Variants in SIGLEC1 observed in about 807,000 individuals in gnomAD.
The protein encoded by SIGLEC1 is sialic acid binding Ig like lectin 1.
In SIGLEC1, 132 loss-of-function variants were observed where a neutral mutation model predicts 148.0. The ratio of observed to expected loss-of-function variants is 0.89; its 90% confidence interval spans 0.77 to 1.03. The LOEUF (loss-of-function observed/expected upper bound fraction) is 1.03, where lower values mean the gene tolerates loss of function less well. Among genes scored for constraint, SIGLEC1 ranks in the 50% least tolerant of loss-of-function variants. The probability of loss-of-function intolerance (pLI) is 0.00; values close to 1 mark genes in which losing one functional copy is unlikely to be tolerated. For missense variants in SIGLEC1, 2,253 were observed against 2,271.4 expected, an observed-to-expected ratio of 0.99 and a Z score of 0.16; for synonymous variants, 945 against 969.0, an observed-to-expected ratio of 0.98 and a Z score of 0.46.
intron 4 of SIGLEC1, 93 bp from the exon 5 acceptor site, chr20:3,704,184 A>G: frequency 4.1e-6 from 5 of 1,224,308 alleles, no homozygotes; most frequent in South Asian, 2.8e-5. Flanking sequence ...GCTCAGTCCT[A>G]AGGAAGTATG....
chr20:3,708,840 G>A (rs937128277), intron 1 of SIGLEC1, among the ~76,000 whole-genome samples: 1 of 152,292 alleles, frequency 6.6e-6, no homozygotes, highest in African/African-American at 2.4e-5. Flanking sequence ...AAGGTCAAGA[G>A]ATTGAGACCA....
chr20:3,698,267 T>C lies in SIGLEC1; in HGVS notation c.1787-134A>G, dbSNP rs982085272. On this transcript the variant is annotated intron_variant, in intron 8 of 21. Transcript: ENST00000344754. ...CCAAGCAGCTGTGCAGACTGTGCAC[T>C]GCACAAGGGCAGCCAGACCAGGGTG... 6.5e-6 allele frequency: 5 copies of C among 765,810 alleles called. No homozygotes were observed. The African/African-American group carries it at 9.0e-5, about 14-fold the overall frequency. The allele number at this position is 765,810 out of a possible 1,614,324, so 47.4% of individuals were successfully genotyped here.
rs1370027538 is a variant in SIGLEC1, at chr20:3,697,814, G to A, written c.2106C>T (p.Ala702=). 1 of 1,612,692 alleles carries A rather than the reference G, an allele frequency of 6.2e-7. No individual in the cohort carries two copies. Among genetic ancestry groups the A allele is most frequent in the Non-Finnish European group, 8.5e-7 (1 of 1,179,980 alleles). Residue 702 remains alanine (A), a synonymous_variant, in exon 9 of 22, where the codon GCC becomes GCT. Coordinates refer to ENST00000344754, the MANE Select transcript of SIGLEC1 (RefSeq NM_023068.4). ...SNALGNASTS[A]TFNGQATVLA... ...CTGACTCACCCTGGCCATTGAAGGT[G>A]GCTGAGGTGGAGGCGTTGCCCAGGG...
intron 9 of SIGLEC1, among the ~76,000 whole-genome samples, chr20:3,697,586 G>A (rs2087813610): frequency 6.6e-6 from 1 of 152,168 alleles, no homozygotes. Context: ...CAGCTGGGGA[G>A]TCCTTCCTCA....
At chr20:3,689,051 C>T (rs745960979) in intron 21 of SIGLEC1, 104 bp downstream of exon 21, 131 of 1,022,220 alleles carry the variant, frequency 1.3e-4, no homozygotes, top group Non-Finnish European at 1.9e-4. Flanking sequence ...CCAACCTCCC[C>T]TTGGTCCCAG....
In SIGLEC1 at chr20:3,696,586, C is replaced by T. The variant is rs765331030; in HGVS notation, c.2683G>A (p.Gly895Arg). The T allele has an allele frequency of 4.4e-6, 7 of 1,603,194 alleles. No individual in the cohort carries two copies. The highest frequency in any genetic ancestry group is 6.0e-6 in the Non-Finnish European group (7 of 1,173,382). ...SNTSLFFQVR[G>R]AWVQVSPSPE... ...ATATCTTCAGAAGACTGACACTCAC[C>T]TCGGACCTGGAAGAAGAGTGAGGTG... is the stretch of plus-strand genomic sequence containing the variant. Residue 895 changes from glycine (G) to arginine (R), a missense_variant and splice_region_variant, in exon 11 of 22, where the codon GGA becomes AGA. Physicochemically the swap from Gly to Arg is moderately radical, Grantham distance 125. Transcript: ENST00000344754.
chr20:3,690,152 A>C lies in SIGLEC1; in HGVS notation c.4704T>G (p.Leu1568=), dbSNP rs1391373138. 1.9e-6 allele frequency: 3 copies of C among 1,600,864 alleles called. No individual in the cohort carries two copies. ...GACTGGAGGCCACCAGTCGACTGCC[A>C]AGGTGGAGAGTCAGGCTGGCGAGCG... ...SEPLASLTLH[L]GSRLVASSQP... Residue 1568 remains leucine (L), a synonymous_variant, in exon 19 of 22, where the codon CTT becomes CTG. Transcript: ENST00000344754.
chr20:3,704,091 T>C lies in SIGLEC1; in HGVS notation c.707A>G (p.Tyr236Cys). ...AQSEIHLQVK[Y>C]APKGVKILLS... Reference sequence around the variant, plus strand: ...GAGGATCTTCACACCCTTGGGGGCATCTGCAAGTCACAGTAGGGGGTATTG... The same window carrying C: ...GAGGATCTTCACACCCTTGGGGGCACCTGCAAGTCACAGTAGGGGGTATTG... The change falls in exon 5 of 22, where the codon TAT (tyrosine) becomes TGT (cysteine). Residue 236 changes from tyrosine (Y) to cysteine (C), a missense_variant and splice_region_variant. Coordinates refer to ENST00000344754, the MANE Select transcript of SIGLEC1 (RefSeq NM_023068.4). 1 of 1,610,532 alleles carries C rather than the reference T, an allele frequency of 6.2e-7. No individual in the cohort carries two copies. The highest frequency in any genetic ancestry group is 1.1e-5 in the South Asian group (1 of 90,910).
chr20:3,706,308 A>G (rs774385984), intron 3 of SIGLEC1, 39 bp downstream of exon 3: 1 of 1,571,924 alleles, frequency 6.4e-7, no homozygotes, highest in Non-Finnish European at 8.6e-7. Context: ...CAGCTTGGGA[A>G]TCCCTCCCGG....
At position 3,694,249 on chromosome 20, in the gene SIGLEC1, G is replaced by C. The variant is rs1351891949; in HGVS notation, c.3228C>G (p.Ala1076=). 4 of 1,611,920 alleles carry C rather than the reference G, an allele frequency of 2.5e-6. No individual in the cohort carries two copies. Among genetic ancestry groups the C allele is most frequent in the Non-Finnish European group, 2.5e-6 (3 of 1,179,522 alleles). The change falls in exon 13 of 22, where the codon GCC becomes GCG. Residue 1076 remains alanine (A), a synonymous_variant. Transcript: ENST00000344754. ...GAGCGTCGAAGTCAGCTGAGGCCGA[G>C]GCCTGGCCCAGGGTGTTGGAGGCCT... ...ICEASNTLGQ[A]SASADFDAQA...
intron 1 of SIGLEC1, among the ~76,000 whole-genome samples, chr20:3,709,951 G>A (rs2087919513): frequency 6.6e-6 from 1 of 152,228 alleles, no homozygotes; most frequent in Non-Finnish European, 1.5e-5. Context: ...CTCAGATAAT[G>A]AAAAAGTTCT....
chr20:3,699,354 C>T lies in SIGLEC1; in HGVS notation c.1634G>A (p.Trp545Ter). The T allele has an allele frequency of 6.2e-7, 1 of 1,609,090 alleles. No homozygotes were observed. Among genetic ancestry groups the T allele is most frequent in the Non-Finnish European group, 8.5e-7 (1 of 1,178,476 alleles). ...LSPTPDARFS[W>*]YLNGALLHEG... ...GTGAAGCAGGGCTCCATTCAGGTACCAGGAGAAGCGGGCATCAGGTGTGGG... is the reference window on the plus strand; with the variant it reads ...GTGAAGCAGGGCTCCATTCAGGTACTAGGAGAAGCGGGCATCAGGTGTGGG... Residue 545 changes from tryptophan to a stop codon, truncating the protein, a stop_gained, in exon 8 of 22, where the codon TGG becomes TAG. Transcript: ENST00000344754. LOFTEE classifies it high-confidence loss of function.
chr20:3,691,295 G>T (rs763681323), intron 18 of SIGLEC1, 45 bp downstream of exon 18: 1 of 1,604,254 alleles, frequency 6.2e-7, no homozygotes, highest in Non-Finnish European at 8.5e-7. Flanking sequence ...AGGTGGGCGT[G>T]TGAGATGTGG....
At chr20:3,694,600 C>T (rs2088803830) in intron 12 of SIGLEC1, 63 bp downstream of exon 12, 1 of 1,567,356 alleles carries the variant, frequency 6.4e-7, no homozygotes, top group Non-Finnish European at 8.7e-7. Context: ...TGTCATGTGA[C>T]ACAGCCCAGG....
rs1171208134 is a variant in SIGLEC1, at chr20:3,710,198, G to A, written c.-110+2272C>T. Reference sequence around the variant, plus strand: ...CCCAGCTCCCAGCCCATCCGCCTCAGGGGCTGGGCTCAGCAGATTCCAATG... The same window carrying A: ...CCCAGCTCCCAGCCCATCCGCCTCAAGGGCTGGGCTCAGCAGATTCCAATG... On this transcript the variant is annotated intron_variant, in intron 1 of 21. Transcript: ENST00000344754. The surrounding 1 kb of genome is among the most constrained non-coding windows in gnomAD (Gnocchi z 4.6). Among the ~76,000 whole-genome samples, 2 of 152,200 alleles carry A rather than the reference G, an allele frequency of 1.3e-5. No homozygotes were observed. The highest frequency in any genetic ancestry group is 6.5e-5 in the Admixed American group (1 of 15,286).
rs753045959 is a variant in SIGLEC1 at position 3,693,039 on chromosome 20, C to A, written c.3601G>T (p.Ala1201Ser). The change falls in exon 15 of 22, where the codon GCC becomes TCC. Residue 1201 changes from alanine (A) to serine (S), a missense_variant. Physicochemically the swap from Ala to Ser is moderately conservative, Grantham distance 99 (BLOSUM62 1). Transcript: ENST00000344754. Reference sequence around the variant, plus strand: ...CCGGCGTGGCTGAGGGCCAGCTGGGCGGGCGGGCGGCTGTCCACAGTGCAC... The same window carrying A: ...CCGGCGTGGCTGAGGGCCAGCTGGGAGGGCGGGCGGCTGTCCACAGTGCAC... ...VLCTVDSRPP[A>S]QLALSHAGRL... 6 of 1,609,334 alleles carry A rather than the reference C, an allele frequency of 3.7e-6. No homozygotes were observed. In the Admixed American group the frequency reaches 1.0e-4, roughly 27 times the overall value.
At chr20:3,709,025 C>G (rs1034101143) in intron 1 of SIGLEC1, among the ~76,000 whole-genome samples, 5 of 111,190 alleles carry the variant, frequency 4.5e-5, no homozygotes, top group African/African-American at 1.8e-4. Context: ...AGCCTGGTGA[C>G]AGAGTGAGAC....
intron 6 of SIGLEC1, among the ~76,000 whole-genome samples, chr20:3,702,764 G>A (rs900511764): frequency 5.3e-5 from 8 of 152,152 alleles, no homozygotes; most frequent in Non-Finnish European, 1.2e-4. Context: ...TATATAGAGT[G>A]TCCATATATG....
intron 1 of SIGLEC1, among the ~76,000 whole-genome samples, chr20:3,708,569 G>A (rs760687126): frequency 8.6e-5 from 13 of 150,758 alleles, no homozygotes; most frequent in Non-Finnish European, 1.0e-4. Flanking sequence ...AGTTCAAGAC[G>A]AGCCTGGGCA....
Sources: allele counts gnomAD v4.1 joint callset (sites outside exome capture counted in the v4.1 genomes callset), GRCh38; gene constraint gnomAD v4.1.1; non-coding constraint Gnocchi (gnomAD v3.1); transcripts MANE v1.5; gene names NCBI Gene and HGNC (gene_info 2026-07-23, HGNC 2026-07-21).